PDGFD: variants seen among roughly 807,000 people sequenced by gnomAD.
PDGFD encodes the protein platelet-derived growth factor D.
Under a neutral mutation model 44.7 loss-of-function variants are expected in PDGFD, and 30 were observed. The ratio of observed to expected loss-of-function variants is 0.67; its 90% CI spans 0.50 to 0.91. PDGFD has a LOEUF of 0.91. Ranked by LOEUF, PDGFD falls within the 40% of genes least tolerant of loss-of-function variation. The probability of loss-of-function intolerance (pLI) is 0.00; values close to 1 mark genes in which losing one functional copy is unlikely to be tolerated. For synonymous variants in PDGFD, 173 were observed against 168.4 expected (o/e 1.03, Z -0.21); for missense variants, 445 against 457.8 (o/e 0.97, Z 0.25).
At chr11:104,020,985 C>T (rs1162341218) in intron 1 of PDGFD, among the ~76,000 whole-genome samples, 2 of 152,248 alleles carry the variant, frequency 1.3e-5, no homozygotes, top group East Asian at 3.9e-4. Context: ...AGTTGAAAAT[C>T]AAAACATACT....
chr11:104,088,002 T>G lies in PDGFD; in HGVS notation c.124+75802A>C, dbSNP rs181360672. 3.5e-3 allele frequency among the ~76,000 whole-genome samples: 533 copies of G among 152,370 alleles called. 2 individuals are homozygous for G. The highest frequency in any genetic ancestry group is 5.6e-3 in the Admixed American group (85 of 15,306). On this transcript the variant is annotated intron_variant, in intron 1 of 6. Coordinates refer to ENST00000393158, the MANE Select transcript of PDGFD (RefSeq NM_025208.5). ...GATCAGTGAAATCATACTTTTCCAT[T>G]TGAAGGAAGCTGAAGGCTTTATATT...
intron 3 of PDGFD, among the ~76,000 whole-genome samples, chr11:103,979,213 G>T (rs1027966974): frequency 1.3e-5 from 2 of 151,952 alleles, no homozygotes; most frequent in African/African-American, 4.8e-5. Flanking sequence ...CTTTCCTTTA[G>T]CTTTAGGTTC....
intron 1 of PDGFD, chr11:104,036,913 A>C (rs1860249051): frequency 6.2e-7 from 1 of 1,614,034 alleles, no homozygotes. Flanking sequence ...CCGAAACTTC[A>C]AGGTCCTCTG....
At chr11:103,968,809 C>A (rs1259384248) in intron 3 of PDGFD, among the ~76,000 whole-genome samples, 1 of 152,178 alleles carries the variant, frequency 6.6e-6, no homozygotes, top group Non-Finnish European at 1.5e-5. Context: ...AGTTTTGCAA[C>A]CCTTTGATAA....
intron 1 of PDGFD, among the ~76,000 whole-genome samples, chr11:104,011,468 T>C (rs997725529): frequency 6.6e-6 from 1 of 152,122 alleles, no homozygotes; most frequent in African/African-American, 2.4e-5. Context: ...ACCAAAGTCA[T>C]TGCATTCCAA....
At chr11:104,134,589 C>A (rs1010683943) in intron 1 of PDGFD, among the ~76,000 whole-genome samples, 24 of 152,210 alleles carry the variant, frequency 1.6e-4, no homozygotes, top group Non-Finnish European at 2.9e-5. Flanking sequence ...CTCACTCATT[C>A]ATTTATTTAT....
At chr11:104,050,475 A>G (rs527697804) in intron 1 of PDGFD, among the ~76,000 whole-genome samples, 1 of 152,250 alleles carries the variant, frequency 6.6e-6, no homozygotes, top group African/African-American at 2.4e-5. Context: ...AAATGAAAAG[A>G]GCTTTGCTGA....
intron 1 of PDGFD, among the ~76,000 whole-genome samples, chr11:104,128,125 T>A (rs1307240936): frequency 7.7e-6 from 1 of 130,580 alleles, no homozygotes. Flanking sequence ...AGCCCCAGTT[T>A]CTGTCTACTA....
intron 3 of PDGFD, among the ~76,000 whole-genome samples, chr11:103,981,198 A>G (rs576524020): frequency 6.6e-6 from 1 of 151,586 alleles, no homozygotes; most frequent in Admixed American, 6.6e-5. Flanking sequence ...CCTGTTACAA[A>G]AAGTCAGGTT....
intron 6 of PDGFD, among the ~76,000 whole-genome samples, chr11:103,912,485 A>G (rs1858043859): frequency 6.6e-6 from 1 of 152,240 alleles, no homozygotes; most frequent in Non-Finnish European, 1.5e-5. Flanking sequence ...AGGAAGCACC[A>G]ACATGGAAAG....
At chr11:104,073,445 T>A (rs988099571) in intron 1 of PDGFD, among the ~76,000 whole-genome samples, 2 of 152,202 alleles carry the variant, frequency 1.3e-5, no homozygotes, top group African/African-American at 2.4e-5. Flanking sequence ...ATATTTGGAA[T>A]TTTCTAGGAC....
At chr11:104,020,102 G>T (rs1391850689) in intron 1 of PDGFD, among the ~76,000 whole-genome samples, 5 of 152,116 alleles carry the variant, frequency 3.3e-5, no homozygotes, top group Admixed American at 6.6e-5. Context: ...AACATTTTAG[G>T]AGTTCAAAAG....
chr11:103,992,655 AG>A (rs1859475503), intron 3 of PDGFD, among the ~76,000 whole-genome samples: 1 of 152,216 alleles, frequency 6.6e-6, no homozygotes, highest in South Asian at 2.1e-4. Flanking sequence ...TGCTAAAAGA[AG>A]GTAGAAGGTT....
intron 1 of PDGFD, among the ~76,000 whole-genome samples, chr11:104,020,879 A>T (rs1859939738): frequency 6.6e-6 from 1 of 152,142 alleles, no homozygotes; most frequent in Non-Finnish European, 1.5e-5. Context: ...AGTGAAAGAA[A>T]CAAAATCTTG....
At chr11:103,988,109 A>C (rs1490319753) in intron 3 of PDGFD, among the ~76,000 whole-genome samples, 2 of 152,104 alleles carry the variant, frequency 1.3e-5, no homozygotes, top group African/African-American at 4.8e-5. Flanking sequence ...TGTTTTTGAC[A>C]TATCTTAAAT....
At chr11:104,131,461 T>C (rs570526805) in intron 1 of PDGFD, among the ~76,000 whole-genome samples, 2 of 152,274 alleles carry the variant, frequency 1.3e-5, no homozygotes, top group South Asian at 2.1e-4. Flanking sequence ...TTAAATAAGC[T>C]AACTTTTTAT....
intron 3 of PDGFD, among the ~76,000 whole-genome samples, chr11:103,972,837 T>G (rs756361516): frequency 6.6e-6 from 1 of 152,238 alleles, no homozygotes; most frequent in South Asian, 2.1e-4. Flanking sequence ...GAATATTGTA[T>G]GGAGAATTCT....
chr11:104,022,414 G>A (rs1044038982), intron 1 of PDGFD, among the ~76,000 whole-genome samples: 9 of 152,086 alleles, frequency 5.9e-5, no homozygotes, highest in Non-Finnish European at 1.0e-4. Context: ...TGGACAAATA[G>A]GACTTCTTAT....
intron 1 of PDGFD, among the ~76,000 whole-genome samples, chr11:104,092,117 G>A (rs73608377): frequency 1.3e-5 from 2 of 152,260 alleles, no homozygotes; most frequent in East Asian, 1.9e-4. Flanking sequence ...AGAGAGCAAG[G>A]TGATGTTCCT....
Sources: allele counts gnomAD v4.1 joint callset (sites outside exome capture counted in the v4.1 genomes callset), GRCh38; gene constraint gnomAD v4.1.1; transcripts MANE v1.5; gene names NCBI Gene and HGNC (gene_info 2026-07-23, HGNC 2026-07-21).